Variants in OFD1 observed in about 807,000 individuals in gnomAD.
The protein encoded by OFD1 is centriole and centriolar satellite protein OFD1.
Under a neutral mutation model 81.4 loss-of-function variants are expected in OFD1, and 12 were observed. That is an observed-to-expected ratio of 0.15 (90% CI 0.09 to 0.24). OFD1 has a LOEUF of 0.24. OFD1 is among the 10% of genes least tolerant of loss of function. The probability of loss-of-function intolerance (pLI) is 1.00; values close to 1 mark genes in which losing one functional copy is unlikely to be tolerated. For synonymous variants in OFD1, 256 were observed against 263.7 expected (o/e 0.97, Z 0.28); for missense variants, 685 against 733.9 (o/e 0.93, Z 0.77).
chrX:13,747,127 C>A (rs1158758332), intron 8 of OFD1, among the ~76,000 whole-genome samples, 174 bp downstream of exon 8: 4 of 111,906 alleles, frequency 3.6e-5, no homozygotes, highest in Admixed American at 1.9e-4. Flanking sequence ...CACAAATTTG[C>A]TTCCTCTGAG....
the OFD1 span, chrX:13,715,633 A>G: frequency 5.2e-6 from 1 of 190,911 alleles, no homozygotes; most frequent in Non-Finnish European, 8.4e-6. Context: ...ATTGCACTGT[A>G]ACTTATTTGT....
At chrX:13,716,604 C>G in the OFD1 span, 1 of 1,211,247 alleles carries the variant, frequency 8.3e-7, no homozygotes, top group South Asian at 1.8e-5. Context: ...ACATGTTGTT[C>G]GATAGCCACA....
intron 3 of OFD1, among the ~76,000 whole-genome samples, chrX:13,737,555 A>T (rs1427549742): frequency 9.1e-6 from 1 of 110,035 alleles, no homozygotes; most frequent in Admixed American, 9.7e-5. Context: ...GCCTACCCTG[A>T]CATGTCATTA....
At chrX:13,744,331 A>G in intron 5 of OFD1, 84 bp from the exon 6 acceptor site, 1 of 553,584 alleles carries the variant, frequency 1.8e-6, no homozygotes, top group Admixed American at 2.7e-5. Flanking sequence ...AAAAATGATA[A>G]TGTCCTAAAA....
chrX:13,741,063 C>T (rs1416549343), intron 5 of OFD1, among the ~76,000 whole-genome samples: 4 of 110,841 alleles, frequency 3.6e-5, no homozygotes, highest in African/African-American at 1.3e-4. Context: ...TCGCTTGAAC[C>T]CAGGAGGCAG....
At chrX:13,742,909 AT>A (rs1440272229) in intron 5 of OFD1, among the ~76,000 whole-genome samples, 1 of 111,628 alleles carries the variant, frequency 9.0e-6, no homozygotes, top group Non-Finnish European at 1.9e-5. Context: ...ATGTTTGCAA[AT>A]TTAGGTCAGG....
At chrX:13,740,336 G>A in intron 5 of OFD1, 1 of 347,240 alleles carries the variant, frequency 2.9e-6, no homozygotes, top group Admixed American at 3.3e-5. Context: ...TTTGAGCCTT[G>A]AAATGTGGCT....
chrX:13,749,571 TGAG>T (rs756386892), intron 9 of OFD1, 38 bp downstream of exon 9: 61 of 835,099 alleles, frequency 7.3e-5, no homozygotes, highest in Non-Finnish European at 1.0e-4. Context: ...TTCAGAATGA[TGAG>T]ATTAAAAAGA....
intron 5 of OFD1, among the ~76,000 whole-genome samples, chrX:13,740,792 CAA>C (rs1203809639): frequency 4.3e-5 from 3 of 69,722 alleles, no homozygotes; most frequent in Admixed American, 3.3e-4. Flanking sequence ...GACTCCATCT[CAA>C]AAAAAAAAAA....
intron 17 of OFD1, 52 bp downstream of exon 17, chrX:13,761,263 C>T: frequency 1.7e-6 from 2 of 1,156,997 alleles, no homozygotes; most frequent in South Asian, 1.9e-5. Flanking sequence ...GTTACTTGCT[C>T]TGTCAGCCTT....
intron 10 of OFD1, among the ~76,000 whole-genome samples, chrX:13,751,576 A>G (rs975480116): frequency 1.8e-5 from 2 of 111,311 alleles, no homozygotes; most frequent in African/African-American, 6.5e-5. Flanking sequence ...GCTCATGCCT[A>G]TAATCCCAGC....
intron 2 of OFD1, among the ~76,000 whole-genome samples, chrX:13,735,708 A>G (rs1373568745): frequency 8.9e-6 from 1 of 112,321 alleles, no homozygotes. Context: ...TGGATGAAGG[A>G]CATTGACACC....
intron 17 of OFD1, 141 bp downstream of exon 17, chrX:13,761,352 G>A (rs2047922963): frequency 3.2e-6 from 2 of 621,049 alleles, no homozygotes; most frequent in African/African-American, 4.6e-5. Context: ...CAATCAGATT[G>A]CAAAATGATA....
At chrX:13,748,506 G>A (rs1296945289) in intron 8 of OFD1, among the ~76,000 whole-genome samples, 5 of 112,358 alleles carry the variant, frequency 4.5e-5, no homozygotes, top group African/African-American at 1.6e-4. Context: ...TAGTGTGATT[G>A]TTTCTCACTC....
the OFD1 span, among the ~76,000 whole-genome samples, chrX:13,727,848 A>G: frequency 8.9e-6 from 1 of 111,825 alleles, no homozygotes; most frequent in African/African-American, 3.3e-5. Flanking sequence ...TTGATAGACC[A>G]CTAGCAAGAC....
chrX:13,736,868 C>T (rs2046887112), intron 3 of OFD1, among the ~76,000 whole-genome samples, 190 bp downstream of exon 3: 1 of 112,408 alleles, frequency 8.9e-6, no homozygotes, highest in South Asian at 3.6e-4. Context: ...AAATTAATTT[C>T]TTGGCGTCTC....
chrX:13,772,775 T>C, downstream of OFD1: 1 of 735,622 alleles, frequency 1.4e-6, no homozygotes, highest in Non-Finnish European at 2.0e-6. Flanking sequence ...GTGAAGTGTT[T>C]GTACATCTAC....
rs903307270 is a variant in OFD1, at chrX:13,769,212, G to A, written c.*104G>A. On this transcript the variant is annotated 3_prime_UTR_variant, in exon 23 of 23. Transcript: ENST00000340096. ...TCATCAGACAAAACTCAATAAAAAT[G>A]TGTGTAATCCAATGTGGGTTTTTTT... The A allele has an allele frequency of 1.5e-4, 102 of 673,630 alleles. No homozygotes were observed. The African/African-American group carries it at 2.1e-3, about 14-fold the overall frequency. The allele number at this position is 673,630 out of a possible 1,213,427, so 55.5% of individuals were successfully genotyped here.
At chrX:13,772,971 C>T, downstream of OFD1, 1 of 1,208,978 alleles carries the variant, frequency 8.3e-7, no homozygotes, top group Non-Finnish European at 1.1e-6. Flanking sequence ...GGTAAGCCTG[C>T]ATTTTGCTCG....
Sources: allele counts gnomAD v4.1 joint callset (sites outside exome capture counted in the v4.1 genomes callset), GRCh38; gene constraint gnomAD v4.1.1; transcripts MANE v1.5; gene names NCBI Gene and HGNC (gene_info 2026-07-23, HGNC 2026-07-21).